The following SCLT1 variants were observed in gnomAD, a reference collection of about 807,000 sequenced individuals.
SCLT1 encodes the protein sodium channel-associated protein 1.
In SCLT1, 78 loss-of-function variants were observed where a neutral mutation model predicts 112.8. The observed-to-expected ratio is 0.69, with a 90% CI of 0.58 to 0.83. SCLT1 has a LOEUF of 0.83. Among genes scored for constraint, SCLT1 ranks in the 40% least tolerant of loss-of-function variants. SCLT1 has a pLI of 0.00. For missense variants in SCLT1, 747 were observed against 770.4 expected (o/e 0.97, Z 0.36); for synonymous variants, 257 against 254.7 (o/e 1.01, Z -0.09).
intron 10 of SCLT1, among the ~76,000 whole-genome samples, chr4:128,966,481 T>A (rs1740204784): frequency 6.6e-6 from 1 of 152,192 alleles, no homozygotes; most frequent in Admixed American, 6.5e-5. Context: ...ATATATTACA[T>A]CTGCACACTT....
At chr4:129,083,283 C>T (rs987597423) in intron 1 of SCLT1, among the ~76,000 whole-genome samples, 3 of 149,390 alleles carry the variant, frequency 2.0e-5, no homozygotes, top group African/African-American at 7.4e-5. Flanking sequence ...AACATACATA[C>T]AACATAGTAC....
chr4:128,940,203 A>T (rs547662040), intron 17 of SCLT1, among the ~76,000 whole-genome samples: 1 of 152,236 alleles, frequency 6.6e-6, no homozygotes, highest in African/African-American at 2.4e-5. Context: ...TACATATTGT[A>T]AAATTATGGA....
At chr4:128,998,568 A>G (rs1355047829) in intron 7 of SCLT1, among the ~76,000 whole-genome samples, 3 of 152,044 alleles carry the variant, frequency 2.0e-5, no homozygotes, top group Admixed American at 2.0e-4. Flanking sequence ...CTATAGTAAA[A>G]GAATGATATT....
chr4:129,030,485 G>C (rs1333122320), intron 5 of SCLT1, among the ~76,000 whole-genome samples: 1 of 152,062 alleles, frequency 6.6e-6, no homozygotes, highest in Non-Finnish European at 1.5e-5. Context: ...AGGAGACAGA[G>C]ACATGAAAAA....
chr4:128,977,408 C>T (rs1267528963), intron 9 of SCLT1, among the ~76,000 whole-genome samples: 2 of 152,128 alleles, frequency 1.3e-5, no homozygotes, highest in Non-Finnish European at 2.9e-5. Context: ...GTCTTCAGCA[C>T]TGGTGATGCA....
At chr4:129,055,385 C>T (rs556668507) in intron 2 of SCLT1, among the ~76,000 whole-genome samples, 50 of 152,314 alleles carry the variant, frequency 3.3e-4, no homozygotes, top group South Asian at 6.2e-4. Flanking sequence ...CAACCACATT[C>T]GCCCCTTCTC....
intron 1 of SCLT1, among the ~76,000 whole-genome samples, chr4:129,085,856 A>T (rs1752347561): frequency 1.3e-5 from 2 of 151,988 alleles, no homozygotes; most frequent in Admixed American, 6.6e-5. Context: ...GGCCTATTGG[A>T]GGGTGAAGGG....
At chr4:129,056,926 A>G (rs1749450231) in intron 2 of SCLT1, among the ~76,000 whole-genome samples, 1 of 152,184 alleles carries the variant, frequency 6.6e-6, no homozygotes. Context: ...GGAAGAAAAA[A>G]CTTTCAACTT....
Position 128,943,776 on chromosome 4 carries a change from T to C in SCLT1, c.1440-588A>G, listed in dbSNP as rs1737914725. On this transcript the variant is annotated intron_variant, in intron 16 of 20. Transcript: ENST00000281142. ...GTGAGACAACCTCTATACATTAATG[T>C]TGCTTCAAATCAATATACTGCTAAT... 3.3e-5 allele frequency among the ~76,000 whole-genome samples: 5 copies of C among 152,248 alleles called. No homozygotes were observed. In the South Asian group the frequency reaches 1.0e-3, roughly 32 times the overall value.
chr4:128,935,789 C>T (rs954034603), intron 18 of SCLT1, among the ~76,000 whole-genome samples: 2 of 152,042 alleles, frequency 1.3e-5, no homozygotes, highest in Non-Finnish European at 2.9e-5. Context: ...GGAACTCAGT[C>T]CTCACACAGT....
chr4:129,066,445 A>G (rs1437012889), intron 2 of SCLT1, among the ~76,000 whole-genome samples: 4 of 152,058 alleles, frequency 2.6e-5, no homozygotes, highest in African/African-American at 4.8e-5. Context: ...TTGTTTCACA[A>G]TGAACACTCT....
intron 6 of SCLT1, among the ~76,000 whole-genome samples, chr4:129,000,429 A>G (rs1743374260): frequency 6.6e-6 from 1 of 151,962 alleles, no homozygotes; most frequent in African/African-American, 2.4e-5. Context: ...TTCTCAGGTC[A>G]CTATTGTTTG....
At chr4:129,052,611 TTCTC>T (rs1252976578) in intron 2 of SCLT1, among the ~76,000 whole-genome samples, 5 of 152,152 alleles carry the variant, frequency 3.3e-5, no homozygotes, top group Admixed American at 3.3e-4. Flanking sequence ...TATTTGATTC[TTCTC>T]TCTTTTCTTC....
chr4:128,938,794 C>T (rs1242258900), intron 17 of SCLT1, among the ~76,000 whole-genome samples: 1 of 152,090 alleles, frequency 6.6e-6, no homozygotes, highest in African/African-American at 2.4e-5. Flanking sequence ...CCAGCCTGGC[C>T]AACATGGTGA....
intron 18 of SCLT1, among the ~76,000 whole-genome samples, chr4:128,925,571 GC>G (rs1736230269): frequency 6.6e-6 from 1 of 152,066 alleles, no homozygotes; most frequent in Non-Finnish European, 1.5e-5. Flanking sequence ...TGATCCACTT[GC>G]CTTGGCCTCC....
At chr4:128,934,085 C>A (rs1183985651) in intron 18 of SCLT1, among the ~76,000 whole-genome samples, 1 of 151,650 alleles carries the variant, frequency 6.6e-6, no homozygotes, top group African/African-American at 2.4e-5. Context: ...TGATTTAATT[C>A]AAAAAATAAT....
intron 18 of SCLT1, among the ~76,000 whole-genome samples, chr4:128,918,178 T>A (rs1390212662): frequency 1.3e-5 from 2 of 152,148 alleles, no homozygotes; most frequent in South Asian, 2.1e-4. Context: ...TGGCAATTAC[T>A]AATAAATAGA....
chr4:129,025,093 G>A lies in SCLT1; in HGVS notation c.290+13948C>T, dbSNP rs367716184. The stretch of plus-strand genomic sequence containing the variant: ...TCTGATTGGTGTACCTGAAAGTGAC[G>A]GGGAGAATGGAACCAAGTTGGAAAA... On this transcript the variant is annotated intron_variant, in intron 5 of 20. Transcript: ENST00000281142. Among the ~76,000 whole-genome samples the A allele has an allele frequency of 2.9e-4, 44 of 152,092 alleles. No homozygotes were observed. The East Asian group carries it at 6.8e-3, about 23-fold the overall frequency.
intron 5 of SCLT1, among the ~76,000 whole-genome samples, chr4:129,013,338 A>G (rs190404010): frequency 3.5e-4 from 53 of 152,256 alleles, no homozygotes; most frequent in Non-Finnish European, 5.3e-4. Flanking sequence ...ATATGTATGG[A>G]TTTGATCCTG....
Sources: allele counts gnomAD v4.1 joint callset (sites outside exome capture counted in the v4.1 genomes callset), GRCh38; gene constraint gnomAD v4.1.1; transcripts MANE v1.5; gene names NCBI Gene and HGNC (gene_info 2026-07-23, HGNC 2026-07-21).